The following TRAPPC9 variants were observed in gnomAD, a reference collection of about 807,000 sequenced individuals.
The protein encoded by TRAPPC9 is trafficking protein particle complex subunit 9.
In TRAPPC9, 83 loss-of-function variants were observed where a neutral mutation model predicts 124.0. The observed-to-expected ratio is 0.67, with a 90% CI of 0.56 to 0.80. The LOEUF (loss-of-function observed/expected upper bound fraction) is 0.80. Ranked by LOEUF, TRAPPC9 falls within the 30% of genes least tolerant of loss-of-function variation. The pLI, the probability that TRAPPC9 is intolerant of heterozygous loss-of-function variation, is 0.00. For missense variants in TRAPPC9, 1,302 were observed against 1,508.3 expected (o/e 0.86, Z 2.27); for synonymous variants, 638 against 617.5 (o/e 1.03, Z -0.49).
In TRAPPC9 at chr8:139,943,594, G is replaced by T. The variant is rs377745706; in HGVS notation, c.2811-33294C>A. 1.9e-4 allele frequency among the ~76,000 whole-genome samples: 29 copies of T among 152,260 alleles called. No individual in the cohort carries two copies. The South Asian group carries it at 5.8e-3, about 30-fold the overall frequency. ...ATTGACATCAATTTGAGAGAATACA[G>T]ACGTTGCAATTAGCAGACAAAGATT... On this transcript the variant is annotated intron_variant, in intron 19 of 22. Coordinates refer to ENST00000438773, the MANE Select transcript of TRAPPC9 (RefSeq NM_001160372.4).
chr8:140,426,912 T>C (rs2070442946), intron 4 of TRAPPC9, among the ~76,000 whole-genome samples: 1 of 151,790 alleles, frequency 6.6e-6, no homozygotes, highest in South Asian at 2.1e-4. Flanking sequence ...TCTATGTTCA[T>C]GCTCCCAGTT....
chr8:139,969,904 C>A (rs539378023), intron 19 of TRAPPC9, among the ~76,000 whole-genome samples: 2 of 152,228 alleles, frequency 1.3e-5, no homozygotes, highest in African/African-American at 4.8e-5. Context: ...TTTGGTTTTG[C>A]CGCCAACAGT....
chr8:140,147,403 C>T (rs1248247745), intron 17 of TRAPPC9, among the ~76,000 whole-genome samples: 2 of 152,198 alleles, frequency 1.3e-5, no homozygotes, highest in Non-Finnish European at 2.9e-5. Context: ...TCACAACTCA[C>T]GAACGTCTCA....
intron 17 of TRAPPC9, among the ~76,000 whole-genome samples, chr8:140,155,533 C>T (rs1226845536): frequency 2.6e-5 from 4 of 152,178 alleles, no homozygotes; most frequent in Admixed American, 6.5e-5. Flanking sequence ...CATGTTACAA[C>T]GGAGGGGAGC....
chr8:140,115,025 C>T (rs1276035732), intron 17 of TRAPPC9, among the ~76,000 whole-genome samples: 1 of 152,066 alleles, frequency 6.6e-6, no homozygotes, highest in African/African-American at 2.4e-5. Context: ...ACAATGTAAG[C>T]AAAGTAAAAC....
At chr8:139,954,430 G>T (rs187920241) in intron 19 of TRAPPC9, among the ~76,000 whole-genome samples, 2 of 152,104 alleles carry the variant, frequency 1.3e-5, no homozygotes, top group African/African-American at 2.4e-5. Flanking sequence ...TGATCATAAG[G>T]GTGGGCCCTC....
intron 19 of TRAPPC9, among the ~76,000 whole-genome samples, chr8:139,941,403 G>A (rs1368286301): frequency 6.6e-6 from 1 of 152,214 alleles, no homozygotes; most frequent in African/African-American, 2.4e-5. Flanking sequence ...GAGGATTCAG[G>A]GTGGGGCCCT....
Position 140,216,288 on chromosome 8 carries a change from G to A in TRAPPC9, c.2556+5171C>T, listed in dbSNP as rs561055039. Among the ~76,000 whole-genome samples the A allele has an allele frequency of 1.3e-5, 2 of 152,174 alleles. No homozygotes were observed. The highest frequency in any genetic ancestry group is 2.4e-5 in the African/African-American group (1 of 41,516). ...AATCATTACATTTAAATACATGTAC[G>A]AACATTCATCTCTATCTATATACAT... On this transcript the variant is annotated intron_variant, in intron 17 of 22. Transcript: ENST00000438773. The surrounding 1 kb of genome is among the most constrained non-coding windows in gnomAD (Gnocchi z 4.1).
Position 140,220,883 on chromosome 8 carries a change from T to G in TRAPPC9, c.2556+576A>C, listed in dbSNP as rs577072507. Among the ~76,000 whole-genome samples, 263 of 152,334 alleles carry G rather than the reference T, an allele frequency of 1.7e-3. 1 individual carries two copies. The highest frequency in any genetic ancestry group is 3.1e-3 in the Admixed American group (48 of 15,306). On this transcript the variant is annotated intron_variant, in intron 17 of 22. Coordinates refer to ENST00000438773, the MANE Select transcript of TRAPPC9 (RefSeq NM_001160372.4). ...CCTGCAGTCCTCCTGCTCTACACGC[T>G]GTCCCTGGGCCAGCTCAAACAGCCA...
At chr8:139,758,454 A>C (rs1226603194) in intron 21 of TRAPPC9, among the ~76,000 whole-genome samples, 1 of 152,254 alleles carries the variant, frequency 6.6e-6, no homozygotes, top group Non-Finnish European at 1.5e-5. Context: ...TAGACCAGGA[A>C]TACCCCTGGC....
chr8:139,777,452 T>C (rs1210751064), intron 21 of TRAPPC9, among the ~76,000 whole-genome samples: 1 of 152,220 alleles, frequency 6.6e-6, no homozygotes, highest in Non-Finnish European at 1.5e-5. Flanking sequence ...ATGTGCAACC[T>C]AATGCTTTGT....
At chr8:140,256,197 C>T (rs2064254277) in intron 15 of TRAPPC9, among the ~76,000 whole-genome samples, 1 of 152,228 alleles carries the variant, frequency 6.6e-6, no homozygotes, top group Non-Finnish European at 1.5e-5. Context: ...CAACATTTGG[C>T]CCTTGGCTGC....
At chr8:139,911,573 T>C (rs1831732070) in intron 19 of TRAPPC9, among the ~76,000 whole-genome samples, 1 of 151,998 alleles carries the variant, frequency 6.6e-6, no homozygotes, top group Non-Finnish European at 1.5e-5. Context: ...GGTATGGTGA[T>C]ACACACCTGT....
chr8:139,753,853 C>T (rs1040941976), intron 21 of TRAPPC9, among the ~76,000 whole-genome samples: 1 of 152,328 alleles, frequency 6.6e-6, no homozygotes, highest in East Asian at 1.9e-4. Context: ...AATGCCACCC[C>T]CCTCTCCTCG....
In TRAPPC9 at chr8:139,907,908, G is replaced by A. The variant is rs1294110194; in HGVS notation, c.2964+2239C>T. Among the ~76,000 whole-genome samples the A allele has an allele frequency of 6.6e-6, 1 of 152,192 alleles. No individual in the cohort carries two copies. Among genetic ancestry groups the A allele is most frequent in the African/African-American group, 2.4e-5 (1 of 41,448 alleles). On this transcript the variant is annotated intron_variant, in intron 20 of 22. Coordinates refer to ENST00000438773, the MANE Select transcript of TRAPPC9 (RefSeq NM_001160372.4). The surrounding 1 kb of genome is among the most constrained non-coding windows in gnomAD (Gnocchi z 4.7). ...GACAAGCTACGGGGTGCAGGAACTG[G>A]CCACGCCACTTTCTCTTTGTGAAGT... is the stretch of plus-strand genomic sequence containing the variant.
At position 140,015,341 on chromosome 8, in the gene TRAPPC9, A is replaced by G. The variant is rs192984095; in HGVS notation, c.2699+8596T>C. On this transcript the variant is annotated intron_variant, in intron 18 of 22. Transcript: ENST00000438773. ...TGAAATGGGCCATCTCTGGGGATGC[A>G]TATAACTCTAACATGGCGTGATGCC... Among the ~76,000 whole-genome samples, 36 of 152,354 alleles carry G rather than the reference A, an allele frequency of 2.4e-4. 1 individual carries two copies. In the South Asian group the frequency reaches 3.5e-3, roughly 15 times the overall value.
At position 140,383,349 on chromosome 8, in the gene TRAPPC9, A is replaced by G. The variant is rs539779638; in HGVS notation, c.1135-12169T>C. Among the ~76,000 whole-genome samples the G allele has an allele frequency of 1.9e-3, 290 of 152,364 alleles. 1 individual carries two copies. The highest frequency in any genetic ancestry group is 6.6e-3 in the African/African-American group (275 of 41,586). On this transcript the variant is annotated intron_variant, in intron 7 of 22. Transcript: ENST00000438773. ...ATGAGTTGAGAGAAGAAGGCTTCAG[A>G]TGACCAAACTTCTCCAAGCTAAAGG...
At chr8:139,817,394 C>T (rs1001928849) in intron 21 of TRAPPC9, among the ~76,000 whole-genome samples, 1 of 152,116 alleles carries the variant, frequency 6.6e-6, no homozygotes, top group African/African-American at 2.4e-5. Context: ...GTTCCTTTTT[C>T]CTTGAAAACT....
chr8:140,290,567 G>A (rs2065624063), intron 12 of TRAPPC9, among the ~76,000 whole-genome samples: 1 of 151,734 alleles, frequency 6.6e-6, no homozygotes, highest in Non-Finnish European at 1.5e-5. Context: ...TGGTGGTGGT[G>A]TGGTCATTTA....
Sources: allele counts gnomAD v4.1 joint callset (sites outside exome capture counted in the v4.1 genomes callset), GRCh38; gene constraint gnomAD v4.1.1; non-coding constraint Gnocchi (gnomAD v3.1); transcripts MANE v1.5; gene names NCBI Gene and HGNC (gene_info 2026-07-23, HGNC 2026-07-21).